Variants in GID4 observed in about 807,000 individuals in gnomAD.
GID4 encodes the protein glucose-induced degradation protein 4 homolog.
In GID4, 7 loss-of-function variants were observed where a neutral mutation model predicts 32.4. The observed-to-expected ratio is 0.22, with a 90% CI of 0.12 to 0.41. GID4 has a LOEUF of 0.41. Among genes scored for constraint, GID4 ranks in the 10% least tolerant of loss-of-function variants. The probability of loss-of-function intolerance (pLI) is 1.00; values close to 1 mark genes in which losing one functional copy is unlikely to be tolerated. For synonymous variants in GID4, 166 were observed against 170.0 expected (o/e 0.98, Z 0.18); for missense variants, 309 against 400.0 (o/e 0.77, Z 1.94).
At chr17:18,057,659 G>GT (rs554989187) in intron 3 of GID4, among the ~76,000 whole-genome samples, 36 of 152,098 alleles carry the variant, frequency 2.4e-4, no homozygotes, top group Middle Eastern at 3.4e-3. Context: ...GTGTATACTT[G>GT]TTTTTTGTCT....
At position 18,044,047 on chromosome 17, in the gene GID4, C is replaced by T. The variant is rs2044827832; in HGVS notation, c.439-1100C>T. ...CAGTTTTTTCCATCTTTCTAACTAC[C>T]ATCCTCAGCATTTCCTGGCCTGTTT... On this transcript the variant is annotated intron_variant, in intron 1 of 5. Transcript: ENST00000268719. Among the ~76,000 whole-genome samples, 8 of 152,138 alleles carry T rather than the reference C, an allele frequency of 5.3e-5. No homozygotes were observed. The South Asian group carries it at 1.7e-3, about 31-fold the overall frequency.
intron 1 of GID4, among the ~76,000 whole-genome samples, chr17:18,042,575 T>A (rs2044813222): frequency 6.6e-6 from 1 of 152,260 alleles, no homozygotes; most frequent in Non-Finnish European, 1.5e-5. Flanking sequence ...GATGGACATT[T>A]GGGTTGTTTC....
At position 18,058,938 on chromosome 17, in the gene GID4, A is replaced by G. The variant is rs766905777; in HGVS notation, c.677A>G (p.Lys226Arg). The change falls in exon 4 of 6, where the codon AAG becomes AGG. Residue 226 changes from lysine to arginine, a missense_variant. Transcript: ENST00000268719. The part of the protein sequence containing the change: ...NSDDFDYEEL[K>R]NGDYVFMRWK... ...GATGACTTTGATTATGAAGAGCTGA[A>G]GAATGGAGACTACGTCTTCATGAGG... 1.2e-6 allele frequency: 2 copies of G among 1,612,568 alleles called. No individual in the cohort carries two copies. The highest frequency in any genetic ancestry group is 2.7e-5 in the African/African-American group (2 of 74,894).
intron 1 of GID4, among the ~76,000 whole-genome samples, chr17:18,044,535 T>A (rs1435269091): frequency 2.0e-5 from 3 of 152,186 alleles, no homozygotes; most frequent in Non-Finnish European, 1.5e-5. Context: ...AGAGTGAACA[T>A]TCACAATATA....
intron 2 of GID4, among the ~76,000 whole-genome samples, chr17:18,047,150 TTTG>T (rs1391406471): frequency 4.6e-5 from 7 of 152,186 alleles, no homozygotes; most frequent in African/African-American, 1.7e-4. Flanking sequence ...TCCTATGAAG[TTTG>T]TTGTTGAGAC....
chr17:18,044,386 G>A (rs1019503584), intron 1 of GID4, among the ~76,000 whole-genome samples: 22 of 152,160 alleles, frequency 1.4e-4, no homozygotes, highest in Non-Finnish European at 4.4e-5. Flanking sequence ...TTGTTTGTTG[G>A]GTAGGCATCC....
At chr17:18,044,798 A>G (rs1422294866) in intron 1 of GID4, among the ~76,000 whole-genome samples, 1 of 152,220 alleles carries the variant, frequency 6.6e-6, no homozygotes, top group Non-Finnish European at 1.5e-5. Flanking sequence ...ACAGGCAGAG[A>G]CAGAGGCCCT....
intron 3 of GID4, chr17:18,056,569 T>C (rs148942820): frequency 3.7e-6 from 3 of 801,118 alleles, no homozygotes; most frequent in African/African-American, 1.7e-5. Flanking sequence ...CCCATTCAAC[T>C]CTATTTTCCA....
intron 2 of GID4, among the ~76,000 whole-genome samples, chr17:18,051,559 C>G (rs999944239): frequency 6.6e-6 from 1 of 152,022 alleles, no homozygotes; most frequent in South Asian, 2.1e-4. Flanking sequence ...ACCTGTAATC[C>G]CAGCTACTCG....
rs531008576 is a variant in GID4, at chr17:18,068,049, G to A, written c.*2806G>A. 1.3e-5 allele frequency: 2 copies of A among 152,626 alleles called. No individual in the cohort carries two copies. The highest frequency in any genetic ancestry group is 4.1e-4 in the South Asian group (2 of 4,824). 9.5% of individuals were successfully genotyped at this position (152,626 alleles called of 1,614,324 possible). On this transcript the variant is annotated 3_prime_UTR_variant, in exon 6 of 6. Transcript: ENST00000268719. ...TCACAAACTCCAGAGGAGCAAAGGG[G>A]TTTTTCAATGTCTTTTGCTTTCAGA... is the stretch of plus-strand genomic sequence containing the variant.
intron 3 of GID4, 152 bp downstream of exon 3, chr17:18,054,386 C>T: frequency 1.9e-6 from 1 of 525,494 alleles, no homozygotes; most frequent in East Asian, 3.0e-5. Flanking sequence ...GTTGTTCCAT[C>T]TTCCTTATGA....
chr17:18,048,868 C>G (rs1165030528), intron 2 of GID4, among the ~76,000 whole-genome samples: 1 of 151,432 alleles, frequency 6.6e-6, no homozygotes, highest in East Asian at 2.0e-4. Context: ...GTCTTGAACT[C>G]CTGACCTCAG....
intron 1 of GID4, 107 bp downstream of exon 1, chr17:18,040,009 G>T: frequency 8.0e-7 from 1 of 1,243,168 alleles, no homozygotes. Flanking sequence ...CCTCGCCGCC[G>T]GGGCCTCCTG....
At chr17:18,062,505 T>C (rs1249159530) in intron 5 of GID4, among the ~76,000 whole-genome samples, 1 of 152,206 alleles carries the variant, frequency 6.6e-6, no homozygotes, top group African/African-American at 2.4e-5. Flanking sequence ...TTGCCACCTT[T>C]TGAGGGATTC....
intron 2 of GID4, among the ~76,000 whole-genome samples, chr17:18,049,743 G>C (rs1426620614): frequency 6.6e-6 from 1 of 151,950 alleles, no homozygotes; most frequent in African/African-American, 2.4e-5. Flanking sequence ...GGTTCAAGCA[G>C]TTCTCCTGCT....
At chr17:18,063,103 T>C (rs1390049273) in intron 5 of GID4, among the ~76,000 whole-genome samples, 1 of 141,354 alleles carries the variant, frequency 7.1e-6, no homozygotes, top group East Asian at 2.1e-4. Context: ...AATAAATAAA[T>C]AAATAAATAA....
chr17:18,061,758 C>A lies in GID4; in HGVS notation c.709-87C>A. On this transcript the variant is annotated intron_variant, in intron 4 of 5. Transcript: ENST00000268719. This position sits in a 1 kb window ranked among gnomAD's most constrained non-coding sequence, Gnocchi z 4.4. ...AGATCCTATATTTTTCTCGAGTGGT[C>A]CTTAGAACCCCCTGATGCTTAACAG... The A allele has an allele frequency of 7.5e-7, 1 of 1,325,222 alleles. No homozygotes were observed. Among genetic ancestry groups the A allele is most frequent in the South Asian group, 1.2e-5 (1 of 83,744 alleles). The allele number at this position is 1,325,222 out of a possible 1,614,324, so 82.1% of individuals were successfully genotyped here. A position where few individuals can be genotyped will look rare whatever the true frequency, so the allele number is the denominator to read the frequency against.
chr17:18,050,487 C>T (rs1235938375), intron 2 of GID4, among the ~76,000 whole-genome samples: 2 of 152,230 alleles, frequency 1.3e-5, no homozygotes, highest in African/African-American at 2.4e-5. Flanking sequence ...CTTTGGGGGC[C>T]ATGGGCAGGC....
At position 18,040,117 on chromosome 17, in the gene GID4, C is replaced by T. The variant is rs551910203; in HGVS notation, c.438+215C>T. Among the ~76,000 whole-genome samples the T allele has an allele frequency of 2.8e-4, 42 of 152,264 alleles. No individual in the cohort carries two copies. In the East Asian group the frequency reaches 7.9e-3, roughly 29 times the overall value. ...CCTTCGGACCCAGAGCCCGTCGTGA[C>T]CGGCTCCTGGCGGACCCCGAACACT... is the stretch of plus-strand genomic sequence containing the variant. On this transcript the variant is annotated intron_variant, in intron 1 of 5. Transcript: ENST00000268719.
Sources: allele counts gnomAD v4.1 joint callset (sites outside exome capture counted in the v4.1 genomes callset), GRCh38; gene constraint gnomAD v4.1.1; non-coding constraint Gnocchi (gnomAD v3.1); transcripts MANE v1.5; gene names NCBI Gene and HGNC (gene_info 2026-07-23, HGNC 2026-07-21).